The following HMCN1 variants were observed in gnomAD, a reference collection of about 807,000 sequenced individuals.
HMCN1 encodes hemicentin 1.
Under a neutral mutation model 625.9 loss-of-function variants are expected in HMCN1, and 321 were observed. That is an observed-to-expected ratio of 0.51 (90% CI 0.47 to 0.56). HMCN1 has a LOEUF of 0.56. Among genes scored for constraint, HMCN1 ranks in the 20% least tolerant of loss-of-function variants. The probability of loss-of-function intolerance (pLI) is 0.00; values close to 1 mark genes in which losing one functional copy is unlikely to be tolerated. For synonymous variants in HMCN1, 2,425 were observed against 2,417.6 expected, an observed-to-expected ratio of 1.00 and a Z score of -0.09; for missense variants, 6,588 against 6,887.3, an observed-to-expected ratio of 0.96 and a Z score of 1.54.
intron 102 of HMCN1, among the ~76,000 whole-genome samples, chr1:186,173,279 T>G (rs1652345788): frequency 6.6e-6 from 1 of 152,128 alleles, no homozygotes. Flanking sequence ...TGTTGATAGT[T>G]GTTAAGTTCA....
chr1:186,154,195 A>G (rs1284873320), intron 97 of HMCN1, among the ~76,000 whole-genome samples: 1 of 152,182 alleles, frequency 6.6e-6, no homozygotes, highest in Non-Finnish European at 1.5e-5. Context: ...ACTTCTTCAT[A>G]CTACACAGTG....
Position 186,055,589 on chromosome 1 carries a change from T to G in HMCN1, c.7059T>G (p.Ile2353Met). The G allele has an allele frequency of 4.3e-6, 7 of 1,612,808 alleles. No homozygotes were observed. The highest frequency in any genetic ancestry group is 5.9e-6 in the Non-Finnish European group (7 of 1,179,188). Residue 2353 changes from isoleucine to methionine, a missense_variant, in exon 45 of 107, where the codon ATT becomes ATG. Physicochemically the swap from Ile to Met is conservative, Grantham distance 10. Around this residue, in one of 3 missense-constraint regions of HMCN1, gnomAD observed 4,628 missense variants for 4,853.1 expected, o/e 0.95. Transcript: ENST00000271588. ...GTCACATCCTTCAGCTGAAGAACAT[T>G]CATGTATCTGACACAGGCCGTTATG... ...DEGHILQLKN[I>M]HVSDTGRYVC...
chr1:185,869,070 T>C (rs74134307), intron 4 of HMCN1, among the ~76,000 whole-genome samples: 7,128 of 152,216 alleles, frequency 0.047, 589 homozygotes, highest in African/African-American at 0.16. Context: ...GGAAAGGATG[T>C]TTCACTTACT....
chr1:185,853,047 C>T (rs367834817), intron 2 of HMCN1, among the ~76,000 whole-genome samples: 5 of 152,122 alleles, frequency 3.3e-5, no homozygotes, highest in South Asian at 2.1e-4. Flanking sequence ...TTTATTGCTT[C>T]GCTACTTTCC....
rs376585659 is a variant in HMCN1 at position 186,166,894 on chromosome 1, C to A, written c.15526C>A (p.Arg5176Ser). The change falls in exon 100 of 107, where the codon CGT becomes AGT. Residue 5176 changes from arginine (R) to serine (S), a missense_variant. Transcript: ENST00000271588. Reference sequence around the variant, plus strand: ...GATTGGATCTTATCGCTGTGTGGTCCGTTGTGGAAGTGGCTTTCGAAGAAC... The same window carrying A: ...GATTGGATCTTATCGCTGTGTGGTCAGTTGTGGAAGTGGCTTTCGAAGAAC... ...NTIGSYRCVV[R>S]CGSGFRRTSD... is the part of the protein sequence containing the mutation. The A allele has an allele frequency of 6.2e-7, 1 of 1,614,054 alleles. No individual in the cohort carries two copies. The highest frequency in any genetic ancestry group is 8.5e-7 in the Non-Finnish European group (1 of 1,179,994).
Position 186,183,996 on chromosome 1 carries a change from G to A in HMCN1, c.16414+1709G>A, listed in dbSNP as rs560172796. On this transcript the variant is annotated intron_variant, in intron 105 of 106. Coordinates refer to ENST00000271588, the MANE Select transcript of HMCN1 (RefSeq NM_031935.3). ...AGCATTTGGAATAACCACTCAAAACGCACAACCCCTTAGCCAGATTTTATT... is the reference window on the plus strand; with the variant it reads ...AGCATTTGGAATAACCACTCAAAACACACAACCCCTTAGCCAGATTTTATT... Among the ~76,000 whole-genome samples, 4 of 152,194 alleles carry A rather than the reference G, an allele frequency of 2.6e-5. No individual in the cohort carries two copies. The East Asian group carries it at 5.8e-4, about 22-fold the overall frequency.
intron 1 of HMCN1, among the ~76,000 whole-genome samples, chr1:185,747,232 G>T (rs1459716158): frequency 6.6e-6 from 1 of 152,120 alleles, no homozygotes; most frequent in African/African-American, 2.4e-5. Flanking sequence ...GATAGGAACA[G>T]AGTTCTCAGT....
At chr1:186,128,951 G>C (rs946948876) in intron 83 of HMCN1, among the ~76,000 whole-genome samples, 1 of 120,586 alleles carries the variant, frequency 8.3e-6, no homozygotes, top group African/African-American at 3.8e-5. Flanking sequence ...GTAGTAATAA[G>C]CTTGAGAGTT....
At position 186,087,962 on chromosome 1, in the gene HMCN1, G is replaced by A. The variant is rs1388434799; in HGVS notation, c.9394G>A (p.Ala3132Thr). The A allele has an allele frequency of 1.2e-6, 2 of 1,613,050 alleles. No individual in the cohort carries two copies. Among genetic ancestry groups the A allele is most frequent in the South Asian group, 1.1e-5 (1 of 91,070 alleles). ...VSDTGQYVCR[A>T]INVAGRDDKN... ...TGACACAGGCCAGTATGTATGTAGA[G>A]CTATAAATGTAGCAGGACGGGATGA... Residue 3132 changes from alanine (A) to threonine (T), a missense_variant, in exon 61 of 107, where the codon GCT (alanine) becomes ACT (threonine). Coordinates refer to ENST00000271588, the MANE Select transcript of HMCN1 (RefSeq NM_031935.3).
chr1:186,001,810 A>T, intron 28 of HMCN1, 69 bp downstream of exon 28: 1 of 1,243,088 alleles, frequency 8.0e-7, no homozygotes, highest in Admixed American at 1.9e-5. Flanking sequence ...AGCTGACTAT[A>T]TGAAAAAGTA....
intron 18 of HMCN1, 54 bp downstream of exon 18, chr1:185,982,443 T>C: frequency 1.6e-6 from 2 of 1,269,188 alleles, no homozygotes; most frequent in Non-Finnish European, 2.2e-6. Context: ...TTTCTTTTCT[T>C]TTTTTTTTTT....
intron 100 of HMCN1, among the ~76,000 whole-genome samples, chr1:186,170,313 A>T (rs943436194): frequency 6.6e-6 from 1 of 152,200 alleles, no homozygotes; most frequent in African/African-American, 2.4e-5. Flanking sequence ...AATTCTATCA[A>T]GTATTTGGCA....
chr1:185,830,963 G>A (rs1660821854), intron 1 of HMCN1, among the ~76,000 whole-genome samples: 1 of 151,756 alleles, frequency 6.6e-6, no homozygotes, highest in Non-Finnish European at 1.5e-5. Flanking sequence ...ATCATCAAAA[G>A]CACAAAGCCC....
At chr1:185,913,512 G>A (rs936228013) in intron 6 of HMCN1, among the ~76,000 whole-genome samples, 25 of 152,140 alleles carry the variant, frequency 1.6e-4, no homozygotes, top group African/African-American at 6.0e-4. Flanking sequence ...GACTTAGCCA[G>A]CGGTGTCTTG....
intron 11 of HMCN1, among the ~76,000 whole-genome samples, chr1:185,938,447 T>G (rs1451879601): frequency 2.0e-5 from 3 of 152,146 alleles, no homozygotes; most frequent in Non-Finnish European, 2.9e-5. Context: ...ATATTTGTTA[T>G]AGTTTTGCTT....
chr1:186,148,935 C>CTTTTTT (rs57126500), intron 93 of HMCN1, among the ~76,000 whole-genome samples: 13 of 143,304 alleles, frequency 9.1e-5, no homozygotes, highest in Non-Finnish European at 1.2e-4. Context: ...TGAAAGGAAT[C>CTTTTTT]TTTTTTTTTT....
intron 1 of HMCN1, among the ~76,000 whole-genome samples, chr1:185,842,607 G>A (rs1661546074): frequency 6.6e-6 from 1 of 151,988 alleles, no homozygotes; most frequent in South Asian, 2.1e-4. Context: ...GCTCATACCT[G>A]TGGTCCCAGC....
chr1:186,151,792 A>C lies in HMCN1; in HGVS notation c.14896+49A>C, dbSNP rs368763658. 3 of 1,572,066 alleles carry C rather than the reference A, an allele frequency of 1.9e-6. No individual in the cohort carries two copies. In the African/African-American group the frequency reaches 4.1e-5, roughly 21 times the overall value. Reference sequence around the variant, plus strand: ...TTCTATTACTATAAAAAGTGCCATGAAGATAGGTGATTAAGAAAAATACGT... The same window carrying C: ...TTCTATTACTATAAAAAGTGCCATGCAGATAGGTGATTAAGAAAAATACGT... On this transcript the variant is annotated intron_variant, in intron 95 of 106. Coordinates refer to ENST00000271588, the MANE Select transcript of HMCN1 (RefSeq NM_031935.3).
intron 1 of HMCN1, among the ~76,000 whole-genome samples, chr1:185,836,340 T>G (rs558217602): frequency 1.5e-3 from 222 of 152,280 alleles, no homozygotes; most frequent in Middle Eastern, 0.014. Context: ...CAAACATTAA[T>G]TTTTACTCTG....
Sources: gnomAD v4.1 joint callset for allele counts (sites outside exome capture counted in the v4.1 genomes callset) on GRCh38, gnomAD v4.1.1 for gene constraint, gnomAD v4.1.1 regional missense constraint, MANE v1.5 for transcripts, NCBI Gene and HGNC (gene_info 2026-07-23, HGNC 2026-07-21) for gene names.